TDP1: variants seen among roughly 807,000 people sequenced by gnomAD.
TDP1 encodes the protein tyr-DNA phosphodiesterase 1.
In TDP1, 64 loss-of-function variants were observed where a neutral mutation model predicts 81.5. That is an observed-to-expected ratio of 0.79 (90% CI 0.64 to 0.97). The LOEUF is 0.97. TDP1 is among the 50% of genes least tolerant of loss of function. The probability of loss-of-function intolerance (pLI) is 0.00; values close to 1 mark genes in which losing one functional copy is unlikely to be tolerated. For synonymous variants in TDP1, 256 were observed against 264.3 expected (o/e 0.97, Z 0.30); for missense variants, 723 against 743.8 (o/e 0.97, Z 0.33).
chr14:89,980,516 T>C, intron 7 of TDP1, 24 bp from the exon 8 acceptor site: 1 of 1,604,460 alleles, frequency 6.2e-7, no homozygotes, highest in Non-Finnish European at 8.5e-7. Context: ...ATTAATGCTT[T>C]TTGATCCTTT....
intron 16 of TDP1, among the ~76,000 whole-genome samples, chr14:90,039,509 C>T (rs574576818): frequency 6.6e-6 from 1 of 152,176 alleles, no homozygotes; most frequent in East Asian, 1.9e-4. Context: ...CATCAGGTTT[C>T]GCATAGAGAT....
chr14:89,960,082 A>G (rs1451118319), intron 2 of TDP1, among the ~76,000 whole-genome samples: 2 of 152,224 alleles, frequency 1.3e-5, no homozygotes, highest in African/African-American at 4.8e-5. Context: ...ACTGTTGTAG[A>G]ATTCAAAGGA....
At chr14:89,993,046 A>G in intron 13 of TDP1, 1 of 871,440 alleles carries the variant, frequency 1.1e-6, no homozygotes, top group Non-Finnish European at 1.4e-6. Context: ...CCCTTTAAGG[A>G]GCTCACAGTT....
intron 16 of TDP1, among the ~76,000 whole-genome samples, chr14:90,035,474 A>C (rs564744842): frequency 2.0e-5 from 3 of 151,442 alleles, no homozygotes; most frequent in East Asian, 1.9e-4. Context: ...AAAAAAAAAA[A>C]CCCCAGGAAA....
At chr14:89,973,264 C>T (rs1893865446) in intron 6 of TDP1, among the ~76,000 whole-genome samples, 1 of 152,202 alleles carries the variant, frequency 6.6e-6, no homozygotes. Flanking sequence ...GGATAGCTCC[C>T]ATCAAACCTT....
At chr14:90,000,214 A>G (rs960396697) in intron 14 of TDP1, among the ~76,000 whole-genome samples, 2 of 152,178 alleles carry the variant, frequency 1.3e-5, no homozygotes, top group East Asian at 3.9e-4. Flanking sequence ...AGGAGGATCT[A>G]TCTCAGGAAG....
At chr14:90,040,631 T>C (rs938166571) in intron 16 of TDP1, among the ~76,000 whole-genome samples, 41 of 152,258 alleles carry the variant, frequency 2.7e-4, no homozygotes, top group Admixed American at 2.6e-3. Context: ...CTAGCCAGCA[T>C]GCAACAAATG....
At chr14:89,956,841 G>A (rs936386734) in intron 2 of TDP1, 41 bp downstream of exon 2, 1 of 152,324 alleles carries the variant, frequency 6.6e-6, no homozygotes, top group African/African-American at 2.4e-5. Flanking sequence ...AGAGGTTGGA[G>A]TGAGCCGAGA....
At chr14:90,019,938 A>G (rs1419431069) in intron 15 of TDP1, among the ~76,000 whole-genome samples, 1 of 152,180 alleles carries the variant, frequency 6.6e-6, no homozygotes, top group Non-Finnish European at 1.5e-5. Context: ...GGTTCACATC[A>G]TCGGCTAGAG....
chr14:89,956,760 G>GA lies in TDP1; in HGVS notation c.-47dup, dbSNP rs1342028134. On this transcript the variant is annotated 5_prime_UTR_variant, in exon 2 of 17. The change creates a new upstream start codon in the 5' untranslated region. Transcript: ENST00000335725. ...AAAAATAGAAAAATTAGCCGAGCGT[G>GA]ATGGTGGATGCCTGTAATCCTAGCT... The GA allele has an allele frequency of 6.6e-6, 1 of 152,292 alleles. No individual in the cohort carries two copies. Among genetic ancestry groups the GA allele is most frequent in the Non-Finnish European group, 1.5e-5 (1 of 68,086 alleles). The allele number at this position is 152,292 out of a possible 1,614,324, so 9.4% of individuals were successfully genotyped here. A position where few individuals can be genotyped will look rare whatever the true frequency, so the allele number is the denominator to read the frequency against.
intron 8 of TDP1, chr14:89,981,638 T>G: frequency 2.9e-6 from 1 of 347,104 alleles, no homozygotes; most frequent in Non-Finnish European, 5.6e-6. Flanking sequence ...AACTCCTAAT[T>G]TGGAGTGTAT....
chr14:89,958,557 T>A (rs550133238), intron 2 of TDP1, among the ~76,000 whole-genome samples: 27 of 152,134 alleles, frequency 1.8e-4, no homozygotes, highest in African/African-American at 6.3e-4. Context: ...TTTGTGAGTA[T>A]GCAAAAAAGG....
At chr14:90,012,876 T>C (rs955142967) in intron 14 of TDP1, among the ~76,000 whole-genome samples, 4 of 152,178 alleles carry the variant, frequency 2.6e-5, no homozygotes, top group African/African-American at 9.6e-5. Flanking sequence ...GCAGAGCCTG[T>C]CCAAGGTCAT....
intron 16 of TDP1, chr14:90,033,720 T>G (rs952744206): frequency 6.0e-6 from 1 of 166,638 alleles, no homozygotes. Flanking sequence ...TCATTAAGTC[T>G]AACTATTAGA....
intron 12 of TDP1, 42 bp downstream of exon 12, chr14:89,989,807 T>A (rs1366586646): frequency 2.1e-6 from 3 of 1,457,742 alleles, no homozygotes; most frequent in Admixed American, 1.7e-5. Context: ...TTTATGTATA[T>A]TTCATGAATG....
intron 14 of TDP1, among the ~76,000 whole-genome samples, chr14:90,010,257 G>C (rs763596258): frequency 6.6e-6 from 1 of 152,098 alleles, no homozygotes; most frequent in Admixed American, 6.5e-5. Context: ...TTCCTTCCTC[G>C]CCCCAAAATG....
chr14:89,977,550 G>A (rs1344583830), intron 7 of TDP1, among the ~76,000 whole-genome samples: 1 of 152,104 alleles, frequency 6.6e-6, no homozygotes, highest in Non-Finnish European at 1.5e-5. Flanking sequence ...CACCCGCCTC[G>A]GCCTCCCAAA....
chr14:90,014,429 T>G (rs1248274297), intron 14 of TDP1, among the ~76,000 whole-genome samples: 1 of 152,202 alleles, frequency 6.6e-6, no homozygotes, highest in Non-Finnish European at 1.5e-5. Flanking sequence ...CCGTGGAGTT[T>G]TAGGAAAGGG....
chr14:89,967,504 C>A, intron 5 of TDP1, 82 bp downstream of exon 5: 1 of 1,208,092 alleles, frequency 8.3e-7, no homozygotes, highest in Non-Finnish European at 1.2e-6. Flanking sequence ...CAGGTGAAAG[C>A]CACTCATCTT....
Sources: allele counts gnomAD v4.1 joint callset (sites outside exome capture counted in the v4.1 genomes callset), GRCh38; gene constraint gnomAD v4.1.1; transcripts MANE v1.5; gene names NCBI Gene and HGNC (gene_info 2026-07-23, HGNC 2026-07-21).